LSAMP: variants seen among roughly 807,000 people sequenced by gnomAD.
LSAMP encodes the protein limbic system associated membrane protein.
LSAMP carries 7 observed loss-of-function variants against 38.6 expected under a neutral mutation model. The ratio of observed to expected loss-of-function variants is 0.18; its 90% CI spans 0.10 to 0.34. The LOEUF (loss-of-function observed/expected upper bound fraction) is 0.34, where lower values mean the gene tolerates loss of function less well. LSAMP is among the 10% of genes least tolerant of loss of function. The probability of loss-of-function intolerance (pLI) is 1.00; values close to 1 mark genes in which losing one functional copy is unlikely to be tolerated. For missense variants in LSAMP, 313 were observed against 420.0 expected, an observed-to-expected ratio of 0.75 and a Z score of 2.23; for synonymous variants, 154 against 166.8, an observed-to-expected ratio of 0.92 and a Z score of 0.59.
intron 1 of LSAMP, among the ~76,000 whole-genome samples, chr3:116,277,802 C>T (rs896553667): frequency 6.6e-6 from 1 of 152,068 alleles, no homozygotes; most frequent in Admixed American, 6.5e-5. Flanking sequence ...ACAAATATAT[C>T]GATTATTTAG....
intron 6 of LSAMP, among the ~76,000 whole-genome samples, chr3:115,826,697 T>C (rs1934423942): frequency 6.6e-6 from 1 of 152,200 alleles, no homozygotes; most frequent in Non-Finnish European, 1.5e-5. Context: ...ATATTGTGCA[T>C]GTCAAATTAA....
chr3:116,094,386 G>T (rs530065971), intron 1 of LSAMP, among the ~76,000 whole-genome samples: 2 of 152,262 alleles, frequency 1.3e-5, no homozygotes, highest in South Asian at 2.1e-4. Flanking sequence ...TTGCTCTTGT[G>T]CATGTCTGTT....
At chr3:116,028,421 T>C (rs912364063) in intron 2 of LSAMP, among the ~76,000 whole-genome samples, 1 of 152,168 alleles carries the variant, frequency 6.6e-6, no homozygotes, top group Non-Finnish European at 1.5e-5. Context: ...AGCAGAATAT[T>C]CTCTGACATT....
chr3:116,165,014 A>C (rs2107544952), intron 1 of LSAMP, among the ~76,000 whole-genome samples: 1 of 152,182 alleles, frequency 6.6e-6, no homozygotes, highest in Middle Eastern at 3.4e-3. Context: ...CACAGGTCAA[A>C]GACTCCAAGA....
chr3:116,239,172 G>T (rs2046500216), intron 1 of LSAMP, among the ~76,000 whole-genome samples: 1 of 152,114 alleles, frequency 6.6e-6, no homozygotes, highest in Non-Finnish European at 1.5e-5. Context: ...TCACCACAGG[G>T]CTATGAAATG....
chr3:116,376,570 C>T (rs2048496667), intron 1 of LSAMP, among the ~76,000 whole-genome samples: 1 of 151,944 alleles, frequency 6.6e-6, no homozygotes, highest in South Asian at 2.1e-4. Flanking sequence ...TATTTTTGTA[C>T]TATTAATCTG....
chr3:116,304,199 GTTAA>G (rs1251935416), intron 1 of LSAMP, among the ~76,000 whole-genome samples: 5 of 152,090 alleles, frequency 3.3e-5, no homozygotes, highest in Non-Finnish European at 7.4e-5. Flanking sequence ...GGAGTTAAGA[GTTAA>G]TTAGAGGGAA....
intron 3 of LSAMP, among the ~76,000 whole-genome samples, chr3:116,010,779 C>T (rs905975367): frequency 1.3e-5 from 2 of 152,138 alleles, no homozygotes; most frequent in Non-Finnish European, 2.9e-5. Context: ...GTTGGATAGG[C>T]TTAAGTTCTA....
rs377683505 is a variant in LSAMP, at chr3:115,939,530, C to CTCTTTCTTTCTTTCTTTCTTTCTTTCTT, written c.514+79957_514+79984dup. ...GGAGCTTTTTCTTTATGTTCTCTTT[C>CTCTTTCTTTCTTTCTTTCTTTCTTTCTT]TCTTTCTTTCTTTCTTTCTTTCTTT... On this transcript the variant is annotated intron_variant, in intron 3 of 6. Transcript: ENST00000490035. Among the ~76,000 whole-genome samples the CTCTTTCTTTCTTTCTTTCTTTCTTTCTT allele has an allele frequency of 3.7e-4, 37 of 99,720 alleles. 1 individual carries two copies. The highest frequency in any genetic ancestry group is 7.1e-4 in the Admixed American group (6 of 8,470). 65.4% of individuals were successfully genotyped at this position (99,720 alleles called of 152,430 possible).
At chr3:115,891,756 A>G (rs527724099) in intron 3 of LSAMP, among the ~76,000 whole-genome samples, 38 of 152,058 alleles carry the variant, frequency 2.5e-4, no homozygotes, top group African/African-American at 9.2e-4. Context: ...TATTTTAATC[A>G]CAGGATTAGA....
At chr3:116,259,040 T>C (rs990690577) in intron 1 of LSAMP, among the ~76,000 whole-genome samples, 1 of 152,162 alleles carries the variant, frequency 6.6e-6, no homozygotes, top group Non-Finnish European at 1.5e-5. Flanking sequence ...TACCCAAGGA[T>C]TGTCTTTTTA....
At chr3:115,954,899 T>G (rs1938403593) in intron 3 of LSAMP, among the ~76,000 whole-genome samples, 1 of 152,090 alleles carries the variant, frequency 6.6e-6, no homozygotes, top group African/African-American at 2.4e-5. Flanking sequence ...TTTCTGTGCT[T>G]GAATTTGACA....
At chr3:115,812,251 CA>C (rs1362763705) in intron 6 of LSAMP, among the ~76,000 whole-genome samples, 1 of 152,046 alleles carries the variant, frequency 6.6e-6, no homozygotes, top group African/African-American at 2.4e-5. Context: ...TATGGAAACA[CA>C]GAATAAAGAT....
Position 115,879,980 on chromosome 3 carries a change from C to T in LSAMP, c.515-27363G>A, listed in dbSNP as rs573728441. ...ATTCAATTTATCATTGAAAAAAATTCTAATTAGGTATAAGAATTAAGAACC... is the reference window on the plus strand; with the variant it reads ...ATTCAATTTATCATTGAAAAAAATTTTAATTAGGTATAAGAATTAAGAACC... On this transcript the variant is annotated intron_variant, in intron 3 of 6. Transcript: ENST00000490035. 2.0e-5 allele frequency among the ~76,000 whole-genome samples: 3 copies of T among 152,140 alleles called. No individual in the cohort carries two copies. In the South Asian group the frequency reaches 6.2e-4, roughly 32 times the overall value.
intron 1 of LSAMP, among the ~76,000 whole-genome samples, chr3:116,299,693 G>C (rs945262157): frequency 2.0e-5 from 3 of 152,182 alleles, no homozygotes; most frequent in African/African-American, 7.2e-5. Context: ...AAAGGGCAGA[G>C]ATTCAGAGAT....
At chr3:116,417,232 T>G (rs1431376459) in intron 1 of LSAMP, among the ~76,000 whole-genome samples, 1 of 152,154 alleles carries the variant, frequency 6.6e-6, no homozygotes, top group East Asian at 1.9e-4. Context: ...CTGTCCTTAC[T>G]ACAGTGGATT....
chr3:116,254,143 C>G (rs2046720363), intron 1 of LSAMP, among the ~76,000 whole-genome samples: 1 of 152,032 alleles, frequency 6.6e-6, no homozygotes, highest in African/African-American at 2.4e-5. Flanking sequence ...CACTTGGTAT[C>G]CCAACTTCTT....
At chr3:116,237,752 C>A (rs1559794746) in intron 1 of LSAMP, among the ~76,000 whole-genome samples, 1 of 152,198 alleles carries the variant, frequency 6.6e-6, no homozygotes, top group Non-Finnish European at 1.5e-5. Flanking sequence ...AGGACTCAAA[C>A]ACACGCCATT....
intron 3 of LSAMP, among the ~76,000 whole-genome samples, chr3:115,874,264 T>G (rs1936125213): frequency 6.6e-6 from 1 of 152,118 alleles, no homozygotes; most frequent in Non-Finnish European, 1.5e-5. Flanking sequence ...CTCCTCAGTC[T>G]TTGGGAACCA....
Sources: gnomAD v4.1 joint callset for allele counts (sites outside exome capture counted in the v4.1 genomes callset) on GRCh38, gnomAD v4.1.1 for gene constraint, MANE v1.5 for transcripts, NCBI Gene and HGNC (gene_info 2026-07-23, HGNC 2026-07-21) for gene names.